Variants in TENT5D observed in about 807,000 individuals in gnomAD.
TENT5D encodes terminal nucleotidyltransferase 5D.
For missense variants in TENT5D, 191 were observed against 287.0 expected, an observed-to-expected ratio of 0.67 and a Z score of 2.42; for synonymous variants, 103 against 100.6, an observed-to-expected ratio of 1.02 and a Z score of -0.15.
At chrX:80,401,826 T>A (rs1166525100) in intron 3 of TENT5D, among the ~76,000 whole-genome samples, 2 of 112,318 alleles carry the variant, frequency 1.8e-5, no homozygotes, top group African/African-American at 6.5e-5. Flanking sequence ...TGAGGATTTT[T>A]AAACTATGTT....
intron 3 of TENT5D, among the ~76,000 whole-genome samples, chrX:80,383,076 G>A (rs1233045580): frequency 2.7e-5 from 3 of 111,981 alleles, no homozygotes; most frequent in Non-Finnish European, 5.6e-5. Context: ...CTTCTGCATC[G>A]ATCACGCTGG....
intron 3 of TENT5D, among the ~76,000 whole-genome samples, chrX:80,376,947 C>T (rs1364293069): frequency 1.8e-5 from 2 of 111,182 alleles, no homozygotes; most frequent in African/African-American, 6.5e-5. Flanking sequence ...GCACCTGAGT[C>T]AGGGAGAGGA....
chrX:80,413,218 G>A (rs1206074799), intron 3 of TENT5D, among the ~76,000 whole-genome samples: 3 of 111,722 alleles, frequency 2.7e-5, no homozygotes, highest in African/African-American at 9.7e-5. Flanking sequence ...AAAAGCATTT[G>A]GCTTAAAGTC....
At chrX:80,378,444 T>C (rs1930778970) in intron 3 of TENT5D, among the ~76,000 whole-genome samples, 1 of 111,935 alleles carries the variant, frequency 8.9e-6, no homozygotes, top group Non-Finnish European at 1.9e-5. Context: ...CAGTTTCAGC[T>C]TTCTACATAT....
intron 2 of TENT5D, among the ~76,000 whole-genome samples, chrX:80,340,484 T>G (rs1355550748): frequency 1.8e-5 from 2 of 111,792 alleles, no homozygotes; most frequent in Admixed American, 1.9e-4. Flanking sequence ...AAGTCATGGT[T>G]GTTACTACTT....
chrX:80,436,054 A>AT (rs1051904645), intron 1 of TENT5D, among the ~76,000 whole-genome samples: 1 of 111,348 alleles, frequency 9.0e-6, no homozygotes, highest in Non-Finnish European at 1.9e-5. Flanking sequence ...ATGTACCTCT[A>AT]TTTTTTTACA....
At chrX:80,338,504 T>A (rs1929896272) in intron 2 of TENT5D, among the ~76,000 whole-genome samples, 1 of 112,392 alleles carries the variant, frequency 8.9e-6, no homozygotes, top group Non-Finnish European at 1.9e-5. Flanking sequence ...TTGAGTAATT[T>A]TTTTATGATT....
chrX:80,357,418 C>A (rs1192463441), intron 3 of TENT5D, among the ~76,000 whole-genome samples: 2 of 108,459 alleles, frequency 1.8e-5, no homozygotes, highest in Non-Finnish European at 3.8e-5. Flanking sequence ...TCCTCTCCAG[C>A]ACCTGTTGTT....
intron 2 of TENT5D, among the ~76,000 whole-genome samples, chrX:80,337,605 A>C (rs1453645345): frequency 9.0e-6 from 1 of 111,214 alleles, no homozygotes; most frequent in African/African-American, 3.3e-5. Context: ...ACTGTTCTAG[A>C]GTTTTCCACC....
intron 3 of TENT5D, among the ~76,000 whole-genome samples, chrX:80,385,535 C>G (rs896704380): frequency 8.9e-6 from 1 of 111,875 alleles, no homozygotes; most frequent in African/African-American, 3.3e-5. Flanking sequence ...GTCTAAAACA[C>G]CAAAAGCAAT....
intron 1 of TENT5D, among the ~76,000 whole-genome samples, chrX:80,428,110 T>A (rs781437172): frequency 2.7e-5 from 3 of 112,571 alleles, no homozygotes; most frequent in Non-Finnish European, 5.6e-5. Context: ...TTACTATTTC[T>A]TTTATCAGTT....
intron 3 of TENT5D, among the ~76,000 whole-genome samples, chrX:80,394,540 C>T (rs948347556): frequency 5.6e-5 from 6 of 106,945 alleles, no homozygotes; most frequent in Non-Finnish European, 9.6e-5. Context: ...TACAGACATG[C>T]GCCACCACGC....
chrX:80,438,826 C>T (rs1202872206), intron 2 of TENT5D, 94 bp downstream of exon 2: 1 of 110,734 alleles, frequency 9.0e-6, no homozygotes, highest in Non-Finnish European at 1.9e-5. Context: ...TGTTTCCCAT[C>T]GTCAAAGGGA....
chrX:80,373,098 G>T (rs951572600), intron 3 of TENT5D, among the ~76,000 whole-genome samples: 1 of 110,666 alleles, frequency 9.0e-6, no homozygotes, highest in Non-Finnish European at 1.9e-5. Flanking sequence ...TGTTGCTATT[G>T]CCTATTTCAT....
chrX:80,382,711 C>CA (rs1012553169), intron 3 of TENT5D, among the ~76,000 whole-genome samples: 19 of 109,688 alleles, frequency 1.7e-4, no homozygotes, highest in Non-Finnish European at 3.4e-4. Context: ...GACGCCCCCC[C>CA]CCCACTGCCA....
rs146301810 is a variant in TENT5D, at chrX:80,422,366, G to A, written c.-142+1803G>A. Among the ~76,000 whole-genome samples the A allele has an allele frequency of 7.0e-3, 785 of 111,690 alleles. 7 individuals carry two copies. Among genetic ancestry groups the A allele is most frequent in the African/African-American group, 0.024 (736 of 30,690 alleles). ...CGCATGCCTGTAATCCCAGCTACTC[G>A]GGAGGCTGAGGCAGGAGAATCGCTT... On this transcript the variant is annotated intron_variant, in intron 1 of 2. Coordinates refer to ENST00000308293, the Ensembl canonical transcript of TENT5D.
intron 1 of TENT5D, among the ~76,000 whole-genome samples, chrX:80,421,422 C>T (rs1177857702): frequency 2.7e-5 from 3 of 111,676 alleles, no homozygotes; most frequent in Non-Finnish European, 5.6e-5. Context: ...CTCCTCACCT[C>T]GTGATCTACC....
chrX:80,385,696 A>C (rs1930981184), intron 3 of TENT5D, among the ~76,000 whole-genome samples: 1 of 112,288 alleles, frequency 8.9e-6, no homozygotes, highest in Admixed American at 9.5e-5. Context: ...TAATATCCAG[A>C]ATCTACAAAG....
intron 3 of TENT5D, among the ~76,000 whole-genome samples, chrX:80,376,549 A>G (rs1019648839): frequency 9.0e-6 from 1 of 111,572 alleles, no homozygotes; most frequent in East Asian, 2.8e-4. Context: ...TTAAAAAACT[A>G]TTTTTAAATT....
Sources: gnomAD v4.1 joint callset for allele counts (sites outside exome capture counted in the v4.1 genomes callset) on GRCh38, gnomAD v4.1.1 for gene constraint, MANE v1.5 for transcripts, NCBI Gene and HGNC (gene_info 2026-07-23, HGNC 2026-07-21) for gene names.